Variants in SEC14L5 observed in about 807,000 individuals in gnomAD.
The protein encoded by SEC14L5 is SEC14 like lipid binding 5, also known as SEC14-like protein 5.
SEC14L5 carries 96 observed loss-of-function variants against 84.6 expected under a neutral mutation model. The ratio of observed to expected loss-of-function variants is 1.13; its 90% CI spans 0.96 to 1.34. The LOEUF is 1.34. Among genes scored for constraint, SEC14L5 ranks in the 40% most tolerant of loss-of-function variants. The pLI, the probability that SEC14L5 is intolerant of heterozygous loss-of-function variation, is 0.00. For missense variants in SEC14L5, 1,224 were observed against 942.5 expected (o/e 1.30, Z -3.91); for synonymous variants, 546 against 383.4 (o/e 1.42, Z -4.95).
chr16:5,003,889 G>T (rs180908538), intron 11 of SEC14L5, among the ~76,000 whole-genome samples: 1 of 152,212 alleles, frequency 6.6e-6, no homozygotes, highest in Non-Finnish European at 1.5e-5. Context: ...GCTTCCCAAA[G>T]TGTTTGTGTT....
intron 11 of SEC14L5, among the ~76,000 whole-genome samples, chr16:5,004,224 G>A (rs1373129902): frequency 2.0e-5 from 3 of 152,188 alleles, no homozygotes; most frequent in Admixed American, 1.3e-4. Flanking sequence ...GAGGGTGGGG[G>A]ACAGACTTAG....
At chr16:4,998,695 G>A (rs905552374) in intron 8 of SEC14L5, among the ~76,000 whole-genome samples, 3 of 121,842 alleles carry the variant, frequency 2.5e-5, no homozygotes, top group East Asian at 2.6e-4. Flanking sequence ...CCGAGATCCC[G>A]CCACTGCACT....
chr16:5,007,932 G>C (rs1955752442), intron 13 of SEC14L5, among the ~76,000 whole-genome samples: 3 of 121,854 alleles, frequency 2.5e-5, no homozygotes, highest in Non-Finnish European at 5.0e-5. Context: ...TTTTGAGACC[G>C]AGTCTCACTC....
chr16:5,003,522 T>A lies in SEC14L5; in HGVS notation c.1251T>A (p.Gly417=). Residue 417 remains glycine, a synonymous_variant, in exon 11 of 16, where the codon GGT becomes GGA. Coordinates refer to ENST00000251170, the MANE Select transcript of SEC14L5 (RefSeq NM_014692.2). The part of the protein sequence containing the change: ...VVEDNYPETL[G]RLLIVRAPRV... ...AGGACAATTACCCAGAGACCCTGGG[T>A]CGGCTGCTCATCGTGCGAGCCCCCC... The A allele has an allele frequency of 3.4e-6, 5 of 1,490,604 alleles. No homozygotes were observed. The South Asian group carries it at 5.6e-5, about 17-fold the overall frequency. 92.3% of individuals were successfully genotyped at this position (1,490,604 alleles called of 1,614,324 possible).
intron 2 of SEC14L5, among the ~76,000 whole-genome samples, chr16:4,979,248 G>A (rs116259173): frequency 6.6e-6 from 1 of 152,270 alleles, no homozygotes; most frequent in African/African-American, 2.4e-5. Flanking sequence ...TTGAGTGTTG[G>A]GCTGTCCTTC....
At chr16:4,995,623 T>G (rs992003664) in intron 6 of SEC14L5, among the ~76,000 whole-genome samples, 4 of 127,618 alleles carry the variant, frequency 3.1e-5, no homozygotes, top group Admixed American at 3.0e-4. Context: ...TCTCTCTCTC[T>G]CTTTTTTTTT....
chr16:4,966,754 C>T (rs1369076237), intron 2 of SEC14L5, among the ~76,000 whole-genome samples: 4 of 152,178 alleles, frequency 2.6e-5, no homozygotes, highest in Admixed American at 6.5e-5. Flanking sequence ...AATTTACACC[C>T]CAACTATGAG....
chr16:4,990,174 T>A (rs899058444), intron 4 of SEC14L5, among the ~76,000 whole-genome samples: 2 of 152,172 alleles, frequency 1.3e-5, no homozygotes, highest in East Asian at 1.9e-4. Context: ...TTATTATTTT[T>A]TTTTTGGAGA....
chr16:4,987,059 G>A (rs1955495636), intron 2 of SEC14L5, among the ~76,000 whole-genome samples: 1 of 152,140 alleles, frequency 6.6e-6, no homozygotes, highest in Non-Finnish European at 1.5e-5. Context: ...GCACAAGCTC[G>A]AATAGACACG....
intron 8 of SEC14L5, among the ~76,000 whole-genome samples, chr16:4,999,749 A>G (rs1193645637): frequency 6.6e-6 from 1 of 151,758 alleles, no homozygotes; most frequent in Non-Finnish European, 1.5e-5. Context: ...CCCTGTCTCT[A>G]CTAAAAATAC....
rs1253427008 is a variant in SEC14L5, at chr16:5,018,633, C to G, written c.*3663C>G. 1 of 152,198 alleles carries G rather than the reference C, an allele frequency of 6.6e-6. No individual in the cohort carries two copies. Among genetic ancestry groups the G allele is most frequent in the African/African-American group, 2.4e-5 (1 of 41,430 alleles). The allele number at this position is 152,198 out of a possible 1,614,324, so 9.4% of individuals were successfully genotyped here. On this transcript the variant is annotated 3_prime_UTR_variant, in exon 16 of 16. Coordinates refer to ENST00000251170, the MANE Select transcript of SEC14L5 (RefSeq NM_014692.2). ...CATGATCTCACCCCTGTACTTCATC[C>G]TGGGTGACAAAGCAAGACCCTGTCT...
intron 8 of SEC14L5, among the ~76,000 whole-genome samples, chr16:4,998,737 C>CAAAAAAAAAAAAAAAAAAAAAAAAA (rs60494025): frequency 1.1e-5 from 1 of 94,036 alleles, no homozygotes; most frequent in African/African-American, 4.8e-5. Flanking sequence ...GACTCCGTCT[C>CAAAAAAAAAAAAAAAAAAAAAAAAA]AAAAAAAAAA....
At chr16:5,007,320 C>G in intron 12 of SEC14L5, 32 bp from the exon 13 acceptor site, 1 of 1,609,058 alleles carries the variant, frequency 6.2e-7, no homozygotes, top group Non-Finnish European at 8.5e-7. Flanking sequence ...TCAACTGGCC[C>G]TGACCTGCTG....
Position 5,015,422 on chromosome 16 carries a change from T to C in SEC14L5, c.*452T>C, listed in dbSNP as rs149950480. On this transcript the variant is annotated 3_prime_UTR_variant, in exon 16 of 16. Coordinates refer to ENST00000251170, the MANE Select transcript of SEC14L5 (RefSeq NM_014692.2). ...CCAGCCCACTTCCCAGAGCTGAGTC[T>C]TAGCCTGGAAGGGGGAGCGATTGCC... 0.014 allele frequency: 2,289 copies of C among 162,968 alleles called. 22 individuals carry two copies. Among genetic ancestry groups the C allele is most frequent in the African/African-American group, 0.035 (1,482 of 41,922 alleles). The allele number at this position is 162,968 out of a possible 1,614,324, so 10.1% of individuals were successfully genotyped here. A position where few individuals can be genotyped will look rare whatever the true frequency, so the allele number is the denominator to read the frequency against.
chr16:5,003,616 T>A, intron 11 of SEC14L5, 43 bp downstream of exon 11: 1 of 130,938 alleles, frequency 7.6e-6, no homozygotes. Flanking sequence ...TGGGGGTGGG[T>A]GGGATGGGAG....
intron 2 of SEC14L5, among the ~76,000 whole-genome samples, chr16:4,965,457 C>T (rs996920544): frequency 2.5e-4 from 38 of 149,328 alleles, no homozygotes; most frequent in African/African-American, 4.9e-4. Flanking sequence ...GTCAGGAGAT[C>T]GAGACCATCC....
At chr16:4,961,127 G>T in intron 2 of SEC14L5, among the ~76,000 whole-genome samples, 1 of 152,062 alleles carries the variant, frequency 6.6e-6, no homozygotes, top group Admixed American at 6.6e-5. Context: ...AGAAAAATTA[G>T]CCGGGCGTGG....
At chr16:4,988,526 G>C (rs191926126) in intron 4 of SEC14L5, among the ~76,000 whole-genome samples, 2 of 152,292 alleles carry the variant, frequency 1.3e-5, no homozygotes, top group Admixed American at 1.3e-4. Context: ...TTGTTTATTT[G>C]AAATTCAAAC....
chr16:4,993,263 G>A (rs1955571786), intron 6 of SEC14L5, among the ~76,000 whole-genome samples: 1 of 151,924 alleles, frequency 6.6e-6, no homozygotes, highest in South Asian at 2.1e-4. Flanking sequence ...TATTTTTGAA[G>A]TGGAGTCTCA....
Sources: gnomAD v4.1 joint callset for allele counts (sites outside exome capture counted in the v4.1 genomes callset) on GRCh38, gnomAD v4.1.1 for gene constraint, MANE v1.5 for transcripts, NCBI Gene and HGNC (gene_info 2026-07-23, HGNC 2026-07-21) for gene names.